The following ABLIM1 variants were observed in gnomAD, a reference collection of about 807,000 sequenced individuals.
ABLIM1 encodes the protein actin-binding LIM protein 1.
Under a neutral mutation model 107.0 loss-of-function variants are expected in ABLIM1, and 40 were observed. That is an observed-to-expected ratio of 0.37 (90% CI 0.29 to 0.49). The LOEUF (loss-of-function observed/expected upper bound fraction) is 0.49. Among genes scored for constraint, ABLIM1 ranks in the 20% least tolerant of loss-of-function variants. The pLI, the probability that ABLIM1 is intolerant of heterozygous loss-of-function variation, is 0.97. For missense variants in ABLIM1, 857 were observed against 1,008.5 expected (o/e 0.85, Z 2.04); for synonymous variants, 357 against 357.3 (o/e 1.00, Z 0.01).
intron 6 of ABLIM1, among the ~76,000 whole-genome samples, chr10:114,518,760 T>C (rs2063293840): frequency 6.6e-6 from 1 of 151,696 alleles, no homozygotes; most frequent in Admixed American, 6.6e-5. Flanking sequence ...TTCAGAGAAG[T>C]ACAAACAAGT....
chr10:114,527,973 G>A (rs1468467679), intron 6 of ABLIM1, among the ~76,000 whole-genome samples: 2 of 151,920 alleles, frequency 1.3e-5, no homozygotes, highest in Non-Finnish European at 2.9e-5. Flanking sequence ...GAGTAGCTGG[G>A]ACTACAGGTA....
At chr10:114,467,799 CT>C in intron 11 of ABLIM1, among the ~76,000 whole-genome samples, 1 of 152,300 alleles carries the variant, frequency 6.6e-6, no homozygotes, top group South Asian at 2.1e-4. Context: ...CAAGATGGCT[CT>C]GCTTATAGAA....
intron 2 of ABLIM1, among the ~76,000 whole-genome samples, chr10:114,575,875 C>T (rs1385136408): frequency 6.6e-6 from 1 of 152,180 alleles, no homozygotes; most frequent in Non-Finnish European, 1.5e-5. Flanking sequence ...TAGAAAGATA[C>T]CCTTCATTCA....
upstream of ABLIM1, among the ~76,000 whole-genome samples, chr10:114,689,364 GTTTT>G (rs35878862): frequency 7.5e-6 from 1 of 132,636 alleles, no homozygotes. Context: ...TTGTATATTG[GTTTT>G]TTTTTTTTTT....
intron 4 of ABLIM1, among the ~76,000 whole-genome samples, chr10:114,568,647 A>G (rs2071171038): frequency 6.6e-6 from 1 of 152,212 alleles, no homozygotes; most frequent in African/African-American, 2.4e-5. Flanking sequence ...CACACACCCC[A>G]TAAATGCCAT....
At chr10:114,708,822 C>T (rs1399845839) in intron 1 of ABLIM1, among the ~76,000 whole-genome samples, 1 of 152,090 alleles carries the variant, frequency 6.6e-6, no homozygotes, top group Non-Finnish European at 1.5e-5. Context: ...TCAGGGACCA[C>T]CTTCAAAGTC....
intron 1 of ABLIM1, among the ~76,000 whole-genome samples, chr10:114,696,533 T>C (rs996089296): frequency 4.0e-5 from 6 of 151,804 alleles, no homozygotes; most frequent in African/African-American, 9.7e-5. Context: ...TCATGTGTTG[T>C]GGGAGGGACA....
At chr10:114,727,041 C>T (rs1274977609) in intron 1 of ABLIM1, among the ~76,000 whole-genome samples, 1 of 152,184 alleles carries the variant, frequency 6.6e-6, no homozygotes, top group Admixed American at 6.5e-5. Flanking sequence ...AAGAATTCTA[C>T]AGAATCTCAA....
In ABLIM1 at chr10:114,541,502, C is replaced by A. The variant is rs191441124; in HGVS notation, c.894+3503G>T. Among the ~76,000 whole-genome samples the A allele has an allele frequency of 5.9e-5, 9 of 151,994 alleles. No homozygotes were observed. The East Asian group carries it at 1.6e-3, about 26-fold the overall frequency. ...AGGCCGAGGGAGGAGTGTGTGGAGA[C>A]CGTCCTGCTTTGTGTTGGTAACCAA... On this transcript the variant is annotated intron_variant, in intron 6 of 22. Transcript: ENST00000533213.
At chr10:114,472,313 A>C (rs2066746069) in intron 10 of ABLIM1, among the ~76,000 whole-genome samples, 1 of 151,830 alleles carries the variant, frequency 6.6e-6, no homozygotes. Context: ...GTGGTCTTCA[A>C]CTCCTGGCCT....
chr10:114,714,572 C>G (rs2081619600), intron 1 of ABLIM1, among the ~76,000 whole-genome samples: 1 of 152,178 alleles, frequency 6.6e-6, no homozygotes, highest in Admixed American at 6.5e-5. Flanking sequence ...TGTCCAATAT[C>G]CATGTGCTAC....
At chr10:114,717,418 A>G (rs2081695032) in intron 1 of ABLIM1, among the ~76,000 whole-genome samples, 2 of 152,146 alleles carry the variant, frequency 1.3e-5, no homozygotes, top group African/African-American at 4.8e-5. Context: ...AGCACTTTTG[A>G]CATTTGGGGC....
At position 114,469,400 on chromosome 10, in the gene ABLIM1, T is replaced by C; in HGVS notation, c.1276-1184A>G. Among the ~76,000 whole-genome samples, 2 of 152,238 alleles carry C rather than the reference T, an allele frequency of 1.3e-5. 1 individual carries two copies. Among genetic ancestry groups the C allele is most frequent in the Non-Finnish European group, 2.9e-5 (2 of 68,044 alleles). On this transcript the variant is annotated intron_variant, in intron 10 of 22. Transcript: ENST00000533213. ...CATCCTCCTAGGCACACAGGCTTCC[T>C]TGGGGCCATCAACAGGCCAAGCTTT...
At chr10:114,773,983 C>T in the ABLIM1 span, among the ~76,000 whole-genome samples, 1 of 151,292 alleles carries the variant, frequency 6.6e-6, no homozygotes, top group Non-Finnish European at 1.5e-5. Context: ...AATATCAATA[C>T]ATTTGAAATG....
At chr10:114,541,271 C>G (rs1198372948) in intron 6 of ABLIM1, among the ~76,000 whole-genome samples, 1 of 152,072 alleles carries the variant, frequency 6.6e-6, no homozygotes, top group African/African-American at 2.4e-5. Context: ...GAACTAACCT[C>G]AAGAACCTCA....
At chr10:114,507,914 C>T (rs1205227896) in intron 6 of ABLIM1, among the ~76,000 whole-genome samples, 1 of 152,188 alleles carries the variant, frequency 6.6e-6, no homozygotes, top group African/African-American at 2.4e-5. Context: ...CATCCAGGTA[C>T]TCCAAGGCAA....
At chr10:114,527,739 A>G (rs1194723636) in intron 6 of ABLIM1, among the ~76,000 whole-genome samples, 5 of 143,102 alleles carry the variant, frequency 3.5e-5, no homozygotes, top group Non-Finnish European at 7.4e-5. Flanking sequence ...CAATCAGCTC[A>G]CTGCAACCTC....
intron 1 of ABLIM1, among the ~76,000 whole-genome samples, chr10:114,646,734 G>A (rs1000589445): frequency 1.3e-5 from 2 of 152,170 alleles, no homozygotes; most frequent in Non-Finnish European, 2.9e-5. Context: ...TTCAGCAGCT[G>A]CTGCCACATA....
intron 4 of ABLIM1, among the ~76,000 whole-genome samples, chr10:114,567,689 C>T (rs2070959211): frequency 3.3e-5 from 5 of 152,184 alleles, no homozygotes; most frequent in Admixed American, 3.3e-4. Context: ...CCACTTTGCT[C>T]GTATTTCTCT....
Sources: gnomAD v4.1 joint callset for allele counts (sites outside exome capture counted in the v4.1 genomes callset) on GRCh38, gnomAD v4.1.1 for gene constraint, MANE v1.5 for transcripts, NCBI Gene and HGNC (gene_info 2026-07-23, HGNC 2026-07-21) for gene names.